CAV1: variants seen among roughly 807,000 people sequenced by gnomAD.
The protein encoded by CAV1 is caveolin-1.
A neutral mutation model predicts 16.5 loss-of-function variants in CAV1; 10 were observed. The ratio of observed to expected loss-of-function variants is 0.61; its 90% CI spans 0.37 to 1.03. The LOEUF (loss-of-function observed/expected upper bound fraction) is 1.03. Among genes scored for constraint, CAV1 ranks in the 50% least tolerant of loss-of-function variants. The pLI, the probability that CAV1 is intolerant of heterozygous loss-of-function variation, is 0.01. For synonymous variants in CAV1, 76 were observed against 85.1 expected (o/e 0.89, Z 0.59); for missense variants, 212 against 232.8 (o/e 0.91, Z 0.58).
chr7:116,532,118 G>T (rs1054277012), intron 2 of CAV1, among the ~76,000 whole-genome samples: 3 of 152,090 alleles, frequency 2.0e-5, no homozygotes, highest in Admixed American at 2.0e-4. Context: ...TTAAGGCAAG[G>T]TGCACCAAGT....
At chr7:116,530,533 T>G (rs925721476) in intron 2 of CAV1, among the ~76,000 whole-genome samples, 2 of 152,096 alleles carry the variant, frequency 1.3e-5, no homozygotes, top group Admixed American at 1.3e-4. Flanking sequence ...AGAAGGAGGA[T>G]GTATTGCAGC....
Position 116,559,029 on chromosome 7 carries a change from T to C in CAV1, c.279T>C (p.Thr93=), listed in dbSNP as rs1011936266. 1.2e-6 allele frequency: 2 copies of C among 1,613,778 alleles called. No individual in the cohort carries two copies. The highest frequency in any genetic ancestry group is 1.1e-5 in the South Asian group (1 of 91,082). The change falls in exon 3 of 3, where the codon ACT becomes ACC. Residue 93 remains threonine (T), a synonymous_variant. Transcript: ENST00000341049. ...GIWKASFTTF[T]VTKYWFYRLL... is the part of the protein sequence containing the mutation. ...GGAAGGCCAGCTTCACCACCTTCAC[T>C]GTGACGAAATACTGGTTTTACCGCT... is the stretch of plus-strand genomic sequence containing the variant.
At chr7:116,531,457 A>T (rs7789052) in intron 2 of CAV1, among the ~76,000 whole-genome samples, 125,312 of 152,056 alleles carry the variant, frequency 0.82, 51,922 homozygotes, top group East Asian at 0.95. Context: ...TATAGTACAA[A>T]GGTTTAATGC....
At chr7:116,557,216 A>G (rs553085297) in intron 2 of CAV1, among the ~76,000 whole-genome samples, 9 of 152,358 alleles carry the variant, frequency 5.9e-5, no homozygotes, top group Admixed American at 2.0e-4. Context: ...TTACATTATT[A>G]GAACATTGGA....
intron 2 of CAV1, among the ~76,000 whole-genome samples, chr7:116,550,500 T>A (rs1457691210): frequency 2.0e-5 from 3 of 152,186 alleles, no homozygotes; most frequent in Non-Finnish European, 4.4e-5. Context: ...CCCAGAGGTG[T>A]CAGTTTGGCC....
At chr7:116,526,158 C>T (rs1793553083) in intron 1 of CAV1, 2 of 474,668 alleles carry the variant, frequency 4.2e-6, no homozygotes, top group South Asian at 8.6e-5. Context: ...CGGCTGCCCC[C>T]TCGCCGCCGA....
At chr7:116,525,908 C>A in intron 1 of CAV1, 1 of 909,788 alleles carries the variant, frequency 1.1e-6, no homozygotes, top group Non-Finnish European at 1.3e-6. Flanking sequence ...GCAGGGAGAG[C>A]CGTGGAGGGA....
At chr7:116,540,742 C>T (rs6466586) in intron 2 of CAV1, among the ~76,000 whole-genome samples, 125,499 of 152,212 alleles carry the variant, frequency 0.82, 52,016 homozygotes, top group East Asian at 0.95. Flanking sequence ...TAAAGTTTAA[C>T]ACAAAGTAAG....
At chr7:116,527,111 G>A (rs1196983527) in intron 2 of CAV1, 1 of 279,100 alleles carries the variant, frequency 3.6e-6, no homozygotes, top group African/African-American at 2.2e-5. Flanking sequence ...ATTGTGTCAG[G>A]TCTTGTGCTG....
At chr7:116,558,680 G>A (rs975335113) in intron 2 of CAV1, among the ~76,000 whole-genome samples, 7 of 151,952 alleles carry the variant, frequency 4.6e-5, no homozygotes, top group Non-Finnish European at 1.0e-4. Context: ...TTGAGCCTGG[G>A]AAGTCGAAGC....
chr7:116,533,415 A>G (rs1793727711), intron 2 of CAV1, among the ~76,000 whole-genome samples: 1 of 151,666 alleles, frequency 6.6e-6, no homozygotes, highest in African/African-American at 2.4e-5. Context: ...AATAAAAATA[A>G]AATGAACGCC....
intron 2 of CAV1, among the ~76,000 whole-genome samples, chr7:116,531,216 G>A (rs1312658054): frequency 6.6e-6 from 1 of 152,226 alleles, no homozygotes; most frequent in African/African-American, 2.4e-5. Context: ...ATAAGATTAT[G>A]TGATTCACCA....
At position 116,559,613 on chromosome 7, in the gene CAV1, G is replaced by GA; in HGVS notation, c.*326_*327insA. ...TGAGAGAAATATGAAGAACTGAGGA[G>GA]GAAAAAAAAAAAAAAGAAAAGAACC... is the stretch of plus-strand genomic sequence containing the variant. On this transcript the variant is annotated 3_prime_UTR_variant, in exon 3 of 3. Coordinates refer to ENST00000341049, the MANE Select transcript of CAV1 (RefSeq NM_001753.5). The GA allele has an allele frequency of 1.4e-5, 6 of 421,368 alleles. No individual in the cohort carries two copies. Among genetic ancestry groups the GA allele is most frequent in the Non-Finnish European group, 2.5e-5 (6 of 243,536 alleles). The allele number at this position is 421,368 out of a possible 1,614,324, so 26.1% of individuals were successfully genotyped here. A position where few individuals can be genotyped will look rare whatever the true frequency, so the allele number is the denominator to read the frequency against.
At chr7:116,541,353 T>G (rs962856688) in intron 2 of CAV1, among the ~76,000 whole-genome samples, 5 of 152,138 alleles carry the variant, frequency 3.3e-5, no homozygotes, top group Admixed American at 3.3e-4. Flanking sequence ...TTGGTTATTG[T>G]CAGGTTAGTA....
chr7:116,539,313 T>C (rs1425546043), intron 2 of CAV1, among the ~76,000 whole-genome samples: 1 of 152,160 alleles, frequency 6.6e-6, no homozygotes, highest in Non-Finnish European at 1.5e-5. Context: ...TCACCCCACT[T>C]TGTGCCTGTA....
At chr7:116,526,121 C>T (rs2115927874) in intron 1 of CAV1, 1 of 264,674 alleles carries the variant, frequency 3.8e-6, no homozygotes, top group Non-Finnish European at 5.9e-6. Context: ...GAGAGCGACT[C>T]GGCTTAGGGA....
At chr7:116,547,500 A>G (rs138303453) in intron 2 of CAV1, among the ~76,000 whole-genome samples, 25 of 152,298 alleles carry the variant, frequency 1.6e-4, no homozygotes, top group Non-Finnish European at 3.2e-4. Flanking sequence ...ACATCTGTGC[A>G]CTCATCAGCT....
intron 2 of CAV1, among the ~76,000 whole-genome samples, chr7:116,537,040 A>C (rs28428476): frequency 0.047 from 7,047 of 150,756 alleles, 524 homozygotes; most frequent in African/African-American, 0.16. Context: ...AAAGCCATTA[A>C]AAAGGGAGTC....
At position 116,559,317 on chromosome 7, in the gene CAV1, AT is replaced by A. The variant is rs759347653; in HGVS notation, c.*38del. 7 of 1,560,100 alleles carry A rather than the reference AT, an allele frequency of 4.5e-6. No individual in the cohort carries two copies. Among genetic ancestry groups the A allele is most frequent in the Non-Finnish European group, 5.3e-6 (6 of 1,132,980 alleles). On this transcript the variant is annotated 3_prime_UTR_variant, in exon 3 of 3. Transcript: ENST00000341049. Reference sequence around the variant, plus strand: ...CATTTCAAGGATAGAAGTATACCTGATTTTTTTTCCTTTTAATTTTCCTGGT... The same window carrying A: ...CATTTCAAGGATAGAAGTATACCTGATTTTTTTCCTTTTAATTTTCCTGGT...
Sources: allele counts gnomAD v4.1 joint callset (sites outside exome capture counted in the v4.1 genomes callset), GRCh38; gene constraint gnomAD v4.1.1; transcripts MANE v1.5; gene names NCBI Gene and HGNC (gene_info 2026-07-23, HGNC 2026-07-21).